The following PTPRD variants were observed in gnomAD, a reference collection of about 807,000 sequenced individuals.
PTPRD encodes the protein protein tyrosine phosphatase receptor type D, also known as receptor-type tyrosine-protein phosphatase delta.
PTPRD carries 34 observed loss-of-function variants against 214.5 expected under a neutral mutation model. That is an observed-to-expected ratio of 0.16 (90% CI 0.12 to 0.21). PTPRD has a LOEUF of 0.21. PTPRD is among the 10% of genes least tolerant of loss of function. The pLI is 1.00. For synonymous variants in PTPRD, 1,128 were observed against 845.7 expected (o/e 1.33, Z -5.79); for missense variants, 2,545 against 2,398.7 (o/e 1.06, Z -1.27).
At chr9:9,104,866 G>A (rs934896706) in intron 10 of PTPRD, among the ~76,000 whole-genome samples, 1 of 152,174 alleles carries the variant, frequency 6.6e-6, no homozygotes, top group African/African-American at 2.4e-5. Flanking sequence ...ATTGATAATA[G>A]CCACGAGTGA....
At chr9:8,950,012 G>C (rs1392121149) in intron 11 of PTPRD, among the ~76,000 whole-genome samples, 2 of 152,100 alleles carry the variant, frequency 1.3e-5, no homozygotes, top group East Asian at 3.9e-4. Flanking sequence ...TATTGTGTTA[G>C]GTGCTTTGCC....
At chr9:10,093,920 C>T (rs1013879276) in intron 3 of PTPRD, among the ~76,000 whole-genome samples, 1 of 151,252 alleles carries the variant, frequency 6.6e-6, no homozygotes, top group Non-Finnish European at 1.5e-5. Flanking sequence ...GAACAGTAGA[C>T]ACGGGGGACT....
At chr9:9,013,391 C>T (rs1340433339) in intron 11 of PTPRD, among the ~76,000 whole-genome samples, 1 of 152,010 alleles carries the variant, frequency 6.6e-6, no homozygotes, top group Non-Finnish European at 1.5e-5. Context: ...AGCAAAGAAG[C>T]GATCAGTCAC....
intron 10 of PTPRD, among the ~76,000 whole-genome samples, chr9:9,123,279 G>A (rs1476354302): frequency 1.3e-5 from 2 of 152,200 alleles, no homozygotes; most frequent in Non-Finnish European, 2.9e-5. Context: ...GGAAACCCAG[G>A]TGTTGGAGCT....
chr9:8,732,143 T>C (rs2098666325), intron 12 of PTPRD, among the ~76,000 whole-genome samples: 2 of 152,312 alleles, frequency 1.3e-5, no homozygotes, highest in East Asian at 1.9e-4. Context: ...GCAGAAAAGA[T>C]TGTTTTTTCA....
At chr9:8,864,848 A>G (rs72704332) in intron 11 of PTPRD, among the ~76,000 whole-genome samples, 10,715 of 152,254 alleles carry the variant, frequency 0.07, 428 homozygotes, top group South Asian at 0.12. Flanking sequence ...GCAAGGCATC[A>G]AGACTACTAT....
intron 2 of PTPRD, among the ~76,000 whole-genome samples, chr9:10,544,786 C>T (rs1170433566): frequency 6.6e-6 from 1 of 152,146 alleles, no homozygotes; most frequent in Non-Finnish European, 1.5e-5. Flanking sequence ...GTATATTTCA[C>T]TTTAATGCTT....
chr9:10,427,212 C>A (rs919907178), intron 2 of PTPRD, among the ~76,000 whole-genome samples: 3 of 151,908 alleles, frequency 2.0e-5, no homozygotes, highest in Non-Finnish European at 4.4e-5. Flanking sequence ...ATGCTTTTGG[C>A]CAGGATTTAT....
intron 2 of PTPRD, among the ~76,000 whole-genome samples, chr9:10,360,486 C>G (rs2097358556): frequency 6.6e-6 from 1 of 152,200 alleles, no homozygotes. Context: ...CTCTATCATT[C>G]TCCTTCTCTT....
rs1197649311 is a variant in PTPRD, at chr9:10,194,373, G to T, written c.-545+146590C>A. On this transcript the variant is annotated intron_variant, in intron 3 of 45. Coordinates refer to ENST00000381196, the MANE Select transcript of PTPRD (RefSeq NM_002839.4). ...AGAGAGAGAGAGAGAGAGAGAGAGA[G>T]AGAGAGAGAGAGAGAGAGAGAGAGA... 9.0e-3 allele frequency among the ~76,000 whole-genome samples: 924 copies of T among 102,486 alleles called. 19 individuals carry two copies. The highest frequency in any genetic ancestry group is 0.032 in the Middle Eastern group (6 of 186). The allele number at this position is 102,486 out of a possible 152,430, so 67.2% of individuals were successfully genotyped here.
intron 12 of PTPRD, among the ~76,000 whole-genome samples, chr9:8,712,723 T>G (rs999801019): frequency 1.4e-4 from 15 of 110,416 alleles, no homozygotes; most frequent in African/African-American, 4.0e-4. Flanking sequence ...AATTCTTTTT[T>G]GGGGGGTGGG....
intron 11 of PTPRD, among the ~76,000 whole-genome samples, chr9:8,761,035 G>A (rs1168112910): frequency 1.3e-5 from 2 of 152,136 alleles, no homozygotes; most frequent in East Asian, 3.9e-4. Context: ...GGGGCAAGAA[G>A]GACACCAAGC....
At chr9:9,196,308 T>C (rs2099938589) in intron 9 of PTPRD, among the ~76,000 whole-genome samples, 1 of 152,194 alleles carries the variant, frequency 6.6e-6, no homozygotes, top group African/African-American at 2.4e-5. Context: ...TTTGGTTCCA[T>C]CCATCTAATT....
intron 3 of PTPRD, among the ~76,000 whole-genome samples, chr9:10,047,053 T>C (rs1033458385): frequency 6.6e-6 from 1 of 151,978 alleles, no homozygotes; most frequent in African/African-American, 2.4e-5. Flanking sequence ...AACATCTTTT[T>C]CTATCTTGTA....
chr9:8,470,956 A>G, intron 31 of PTPRD, 39 bp downstream of exon 31: 1 of 1,561,132 alleles, frequency 6.4e-7, no homozygotes, highest in Non-Finnish European at 8.8e-7. Context: ...AGCAGATTAA[A>G]TAACGAATAA....
intron 11 of PTPRD, among the ~76,000 whole-genome samples, chr9:8,776,484 G>C (rs552804387): frequency 2.0e-5 from 3 of 151,010 alleles, no homozygotes; most frequent in East Asian, 2.0e-4. Flanking sequence ...GGTTAGTAAA[G>C]ATGGGATTTC....
chr9:9,735,023 T>G (rs1415695811), intron 6 of PTPRD, among the ~76,000 whole-genome samples: 1 of 152,134 alleles, frequency 6.6e-6, no homozygotes, highest in Non-Finnish European at 1.5e-5. Context: ...GTTCTGGCTT[T>G]GATTTATTTT....
chr9:10,321,485 A>G (rs1276046495), intron 3 of PTPRD, among the ~76,000 whole-genome samples: 1 of 152,092 alleles, frequency 6.6e-6, no homozygotes, highest in Non-Finnish European at 1.5e-5. Flanking sequence ...TTGGAAGATA[A>G]GATAAACAAG....
intron 10 of PTPRD, among the ~76,000 whole-genome samples, chr9:9,098,257 A>AGAT (rs2099786515): frequency 1.3e-5 from 2 of 152,036 alleles, no homozygotes; most frequent in Non-Finnish European, 2.9e-5. Context: ...GTCCATAAAT[A>AGAT]GATTTATTAT....
Sources: allele counts gnomAD v4.1 joint callset (sites outside exome capture counted in the v4.1 genomes callset), GRCh38; gene constraint gnomAD v4.1.1; transcripts MANE v1.5; gene names NCBI Gene and HGNC (gene_info 2026-07-23, HGNC 2026-07-21).